The following SORCS2 variants were observed in gnomAD, a reference collection of about 807,000 sequenced individuals.
The protein encoded by SORCS2 is VPS10 domain-containing receptor SorCS2.
A neutral mutation model predicts 141.6 loss-of-function variants in SORCS2; 100 were observed. That is an observed-to-expected ratio of 0.71 (90% CI 0.60 to 0.83). SORCS2 has a LOEUF of 0.83. Ranked by LOEUF, SORCS2 falls within the 40% of genes least tolerant of loss-of-function variation. The probability of loss-of-function intolerance (pLI) is 0.00; values close to 1 mark genes in which losing one functional copy is unlikely to be tolerated. For missense variants in SORCS2, 1,646 were observed against 1,560.2 expected, an observed-to-expected ratio of 1.05 and a Z score of -0.93; for synonymous variants, 789 against 676.9, an observed-to-expected ratio of 1.17 and a Z score of -2.57.
chr4:7,417,401 C>G (rs1725768625), intron 2 of SORCS2, among the ~76,000 whole-genome samples: 2 of 152,152 alleles, frequency 1.3e-5, no homozygotes, highest in Admixed American at 1.3e-4. Context: ...TTGCTTAGCA[C>G]AGGGGCTAAC....
chr4:7,400,965 G>GGATGGATGAATGGATA (rs1724549682), intron 2 of SORCS2, among the ~76,000 whole-genome samples: 1 of 151,968 alleles, frequency 6.6e-6, no homozygotes, highest in Non-Finnish European at 1.5e-5. Flanking sequence ...ATGAATGGAT[G>GGATGGATGAATGGATA]GATGGATGAA....
intron 1 of SORCS2, among the ~76,000 whole-genome samples, chr4:7,247,914 G>A (rs760671852): frequency 3.3e-5 from 5 of 152,200 alleles, no homozygotes; most frequent in South Asian, 2.1e-4. Context: ...CTAGGAGGGC[G>A]CGACTCTGTC....
At chr4:7,595,447 G>A (rs1717204830) in intron 3 of SORCS2, among the ~76,000 whole-genome samples, 4 of 152,122 alleles carry the variant, frequency 2.6e-5, no homozygotes, top group Admixed American at 2.6e-4. Flanking sequence ...CAGGGGTTAG[G>A]GCTGAAAGCC....
At chr4:7,498,325 G>T (rs761581507) in intron 2 of SORCS2, among the ~76,000 whole-genome samples, 6 of 152,164 alleles carry the variant, frequency 3.9e-5, no homozygotes, top group African/African-American at 1.4e-4. Flanking sequence ...CCTTTGCTAC[G>T]GGTAAAGGGG....
At chr4:7,383,975 C>T (rs1208655829) in intron 1 of SORCS2, among the ~76,000 whole-genome samples, 1 of 152,240 alleles carries the variant, frequency 6.6e-6, no homozygotes, top group Non-Finnish European at 1.5e-5. Flanking sequence ...CAGCAGCACC[C>T]GTCCATTTAT....
intron 1 of SORCS2, among the ~76,000 whole-genome samples, chr4:7,204,224 T>G (rs780064725): frequency 2.6e-5 from 4 of 152,150 alleles, no homozygotes; most frequent in Non-Finnish European, 5.9e-5. Context: ...CGTCAGTTTT[T>G]TTTCTTCTTG....
At chr4:7,507,632 T>A (rs1246706618) in intron 2 of SORCS2, among the ~76,000 whole-genome samples, 1 of 152,198 alleles carries the variant, frequency 6.6e-6, no homozygotes, top group Admixed American at 6.5e-5. Context: ...GTGGAGTGAT[T>A]CCACTCAGCA....
chr4:7,412,451 A>G (rs945827161), intron 2 of SORCS2, among the ~76,000 whole-genome samples: 20 of 152,282 alleles, frequency 1.3e-4, no homozygotes, highest in African/African-American at 4.3e-4. Flanking sequence ...AGCCCTGCCC[A>G]TCCAGACGAC....
At chr4:7,291,784 T>C (rs1716618912) in intron 1 of SORCS2, among the ~76,000 whole-genome samples, 1 of 152,206 alleles carries the variant, frequency 6.6e-6, no homozygotes, top group Non-Finnish European at 1.5e-5. Context: ...CACCAGAGAA[T>C]TCATCTTTAT....
chr4:7,337,293 C>T (rs1367630094), intron 1 of SORCS2, among the ~76,000 whole-genome samples: 1 of 152,150 alleles, frequency 6.6e-6, no homozygotes, highest in Non-Finnish European at 1.5e-5. Context: ...TCCCAGCCCA[C>T]CTGCAACGTG....
intron 2 of SORCS2, among the ~76,000 whole-genome samples, chr4:7,416,847 C>A (rs1037806305): frequency 7.2e-5 from 11 of 152,134 alleles, no homozygotes; most frequent in Non-Finnish European, 1.6e-4. Flanking sequence ...AACATGCATG[C>A]ATGCACACAC....
At chr4:7,372,199 A>G (rs553609550) in intron 1 of SORCS2, among the ~76,000 whole-genome samples, 1 of 152,322 alleles carries the variant, frequency 6.6e-6, no homozygotes, top group African/African-American at 2.4e-5. Context: ...TCTGGTGTTT[A>G]TAAGTTGGGT....
At chr4:7,708,667 G>A (rs770506136) in intron 14 of SORCS2, among the ~76,000 whole-genome samples, 6 of 152,190 alleles carry the variant, frequency 3.9e-5, no homozygotes, top group Admixed American at 6.5e-5. Flanking sequence ...CTGCGACAGG[G>A]GCTGCAACGC....
intron 3 of SORCS2, among the ~76,000 whole-genome samples, chr4:7,583,632 T>C (rs192519336): frequency 3.0e-4 from 45 of 152,298 alleles, no homozygotes; most frequent in Non-Finnish European, 5.9e-4. Flanking sequence ...GTTTTATGAG[T>C]GGAAACCCCT....
chr4:7,652,579 G>A (rs577117734), intron 4 of SORCS2, among the ~76,000 whole-genome samples: 7 of 152,188 alleles, frequency 4.6e-5, no homozygotes, highest in South Asian at 4.1e-4. Context: ...CCCAGGTTCC[G>A]GGGCACAGAT....
At chr4:7,640,263 T>A (rs1014091195) in intron 4 of SORCS2, among the ~76,000 whole-genome samples, 2 of 149,752 alleles carry the variant, frequency 1.3e-5, no homozygotes, top group Admixed American at 6.6e-5. Flanking sequence ...TGTGTATGTA[T>A]GTGAGCATGT....
At chr4:7,727,748 T>A (rs1727324981) in intron 21 of SORCS2, among the ~76,000 whole-genome samples, 1 of 152,318 alleles carries the variant, frequency 6.6e-6, no homozygotes, top group South Asian at 2.1e-4. Context: ...CCTCCCACTT[T>A]ACATGTGAGA....
At chr4:7,377,322 A>T (rs553663800) in intron 1 of SORCS2, among the ~76,000 whole-genome samples, 1 of 149,298 alleles carries the variant, frequency 6.7e-6, no homozygotes, top group East Asian at 2.0e-4. Context: ...TGACAAGCAG[A>T]TGTGTTTGCC....
At chr4:7,625,489 C>G (rs1330798345) in intron 3 of SORCS2, among the ~76,000 whole-genome samples, 2 of 152,080 alleles carry the variant, frequency 1.3e-5, no homozygotes, top group East Asian at 3.9e-4. Flanking sequence ...GTCACCGTCT[C>G]TCAACCCACT....
Sources: allele counts gnomAD v4.1 joint callset (sites outside exome capture counted in the v4.1 genomes callset), GRCh38; gene constraint gnomAD v4.1.1; transcripts MANE v1.5; gene names NCBI Gene and HGNC (gene_info 2026-07-23, HGNC 2026-07-21).